Variants in CERS6 observed in about 807,000 individuals in gnomAD.
The protein encoded by CERS6 is LAG1 homolog, ceramide synthase 6.
Under a neutral mutation model 56.8 loss-of-function variants are expected in CERS6, and 26 were observed. The ratio of observed to expected loss-of-function variants is 0.46; its 90% confidence interval spans 0.34 to 0.63. The LOEUF is 0.63. Among genes scored for constraint, CERS6 ranks in the 30% least tolerant of loss-of-function variants. CERS6 has a pLI of 0.01. For missense variants in CERS6, 415 were observed against 467.5 expected, an observed-to-expected ratio of 0.89 and a Z score of 1.04; for synonymous variants, 164 against 173.3, an observed-to-expected ratio of 0.95 and a Z score of 0.42.
intron 3 of CERS6, among the ~76,000 whole-genome samples, chr2:168,582,654 C>G (rs943532226): frequency 2.0e-5 from 3 of 152,026 alleles, no homozygotes; most frequent in South Asian, 4.2e-4. Context: ...TTTTCATACA[C>G]CTTTATTTTA....
intron 8 of CERS6, among the ~76,000 whole-genome samples, chr2:168,720,449 G>GACACAT (rs1403160329): frequency 6.6e-6 from 1 of 152,078 alleles, no homozygotes; most frequent in Non-Finnish European, 1.5e-5. Flanking sequence ...AACCAGATTC[G>GACACAT]ACACATTTTC....
chr2:168,711,015 G>A (rs984036922), intron 6 of CERS6, among the ~76,000 whole-genome samples: 1 of 152,198 alleles, frequency 6.6e-6, no homozygotes, highest in Non-Finnish European at 1.5e-5. Flanking sequence ...ATGCTGTTTG[G>A]AGACTAGGTT....
rs938887620 is a variant in CERS6 at position 168,767,196 on chromosome 2, C to G, written c.1002+1448C>G. 2.6e-5 allele frequency among the ~76,000 whole-genome samples: 4 copies of G among 152,272 alleles called. No individual in the cohort carries two copies. In the East Asian group the frequency reaches 7.7e-4, roughly 29 times the overall value. Reference sequence around the variant, plus strand: ...AAGAGAGATGATGATTAATTTTATTCTAGATCTCAGGCTTCAGAATATCTT... The same window carrying G: ...AAGAGAGATGATGATTAATTTTATTGTAGATCTCAGGCTTCAGAATATCTT... On this transcript the variant is annotated intron_variant, in intron 9 of 9. Coordinates refer to ENST00000305747, the MANE Select transcript of CERS6 (RefSeq NM_203463.3).
intron 1 of CERS6, among the ~76,000 whole-genome samples, chr2:168,522,906 G>A (rs1183167206): frequency 1.3e-5 from 2 of 152,092 alleles, no homozygotes; most frequent in Non-Finnish European, 2.9e-5. Flanking sequence ...AAGAACTTTT[G>A]TGTGTTTTCT....
chr2:168,604,499 G>A (rs375479278), intron 3 of CERS6, among the ~76,000 whole-genome samples: 16 of 152,174 alleles, frequency 1.1e-4, no homozygotes, highest in Admixed American at 5.9e-4. Flanking sequence ...AGGGTGATGT[G>A]GTTTGGATCT....
intron 3 of CERS6, among the ~76,000 whole-genome samples, chr2:168,604,632 A>G (rs957737540): frequency 1.3e-4 from 20 of 152,110 alleles, no homozygotes; most frequent in Admixed American, 9.2e-4. Flanking sequence ...TGGTACTGTC[A>G]TTGCTACAGT....
At chr2:168,520,598 CTTTTTTTTTTTTTT>C (rs150724635) in intron 1 of CERS6, among the ~76,000 whole-genome samples, 49 of 57,896 alleles carry the variant, frequency 8.5e-4, no homozygotes, top group African/African-American at 2.3e-3. Flanking sequence ...TTACAATATC[CTTTTTTTTTTTTTT>C]TTTTTTTTTT....
intron 3 of CERS6, among the ~76,000 whole-genome samples, chr2:168,562,615 G>A (rs1695811295): frequency 6.6e-6 from 1 of 152,194 alleles, no homozygotes; most frequent in Non-Finnish European, 1.5e-5. Flanking sequence ...TCTCAGTGGA[G>A]TAAAGAATAA....
chr2:168,490,823 G>A (rs997591494), intron 1 of CERS6, among the ~76,000 whole-genome samples: 16 of 151,830 alleles, frequency 1.1e-4, no homozygotes, highest in Non-Finnish European at 4.4e-5. Flanking sequence ...TACCTCAAAG[G>A]AGAGAATATA....
intron 1 of CERS6, among the ~76,000 whole-genome samples, chr2:168,498,759 GC>G (rs1320998308): frequency 1.3e-5 from 2 of 152,226 alleles, no homozygotes; most frequent in South Asian, 2.1e-4. Context: ...GTCAGTCCTT[GC>G]GCTGAAACGC....
chr2:168,752,991 A>G (rs1054339745), intron 8 of CERS6, among the ~76,000 whole-genome samples: 29 of 152,242 alleles, frequency 1.9e-4, no homozygotes, highest in African/African-American at 7.0e-4. Context: ...TATTTTATCC[A>G]TGGAGAAAAC....
intron 6 of CERS6, among the ~76,000 whole-genome samples, chr2:168,710,743 C>T (rs1687068617): frequency 6.6e-6 from 1 of 152,172 alleles, no homozygotes; most frequent in South Asian, 2.1e-4. Flanking sequence ...GTACTAACTG[C>T]AAAGACATCA....
chr2:168,471,445 G>A (rs971134604), intron 1 of CERS6, among the ~76,000 whole-genome samples: 1 of 152,150 alleles, frequency 6.6e-6, no homozygotes, highest in Non-Finnish European at 1.5e-5. Flanking sequence ...CTATGTAATA[G>A]CATAAAATAA....
intron 8 of CERS6, among the ~76,000 whole-genome samples, chr2:168,763,346 A>G (rs991496566): frequency 5.3e-5 from 8 of 150,866 alleles, no homozygotes; most frequent in East Asian, 3.9e-4. Context: ...GGTTCAAGCA[A>G]TTCTCCTGCT....
intron 8 of CERS6, among the ~76,000 whole-genome samples, chr2:168,762,935 C>G (rs539242402): frequency 9.2e-5 from 14 of 152,174 alleles, no homozygotes; most frequent in Admixed American, 9.2e-4. Flanking sequence ...AGTGCAGTGG[C>G]ACAATCATAG....
chr2:168,639,250 T>C (rs577776748), intron 4 of CERS6, among the ~76,000 whole-genome samples: 10 of 152,180 alleles, frequency 6.6e-5, no homozygotes, highest in African/African-American at 2.4e-4. Flanking sequence ...GAGAAGGGAG[T>C]TGCATTAGTA....
intron 3 of CERS6, among the ~76,000 whole-genome samples, chr2:168,564,032 C>T (rs1418833572): frequency 6.6e-6 from 1 of 152,086 alleles, no homozygotes; most frequent in East Asian, 1.9e-4. Flanking sequence ...TCCTGCCTTT[C>T]CAAGGTCTTT....
At chr2:168,457,858 A>G (rs1381426613) in intron 1 of CERS6, among the ~76,000 whole-genome samples, 1 of 152,136 alleles carries the variant, frequency 6.6e-6, no homozygotes, top group Non-Finnish European at 1.5e-5. Flanking sequence ...TTGTCTCAGG[A>G]AGGTATATTT....
Position 168,744,102 on chromosome 2 carries a change from T to C in CERS6, c.846-21490T>C, listed in dbSNP as rs543276816. ...CTCACTGCAAGCTCCACCTCCTGTG[T>C]TCTCGCCATTCTCCTGCCTCAGCCT... On this transcript the variant is annotated intron_variant, in intron 8 of 9. Coordinates refer to ENST00000305747, the MANE Select transcript of CERS6 (RefSeq NM_203463.3). Among the ~76,000 whole-genome samples, 7 of 149,262 alleles carry C rather than the reference T, an allele frequency of 4.7e-5. No homozygotes were observed. The South Asian group carries it at 1.5e-3, about 32-fold the overall frequency.
Sources: gnomAD v4.1 joint callset for allele counts (sites outside exome capture counted in the v4.1 genomes callset) on GRCh38, gnomAD v4.1.1 for gene constraint, MANE v1.5 for transcripts, NCBI Gene and HGNC (gene_info 2026-07-23, HGNC 2026-07-21) for gene names.